Variants in SFMBT1 observed in about 807,000 individuals in gnomAD.
The protein encoded by SFMBT1 is Scm like with four mbt domains 1.
SFMBT1 carries 32 observed loss-of-function variants against 108.7 expected under a neutral mutation model. That is an observed-to-expected ratio of 0.29 (90% CI 0.22 to 0.40). The LOEUF (loss-of-function observed/expected upper bound fraction) is 0.40. Among genes scored for constraint, SFMBT1 ranks in the 10% least tolerant of loss-of-function variants. SFMBT1 has a pLI of 1.00. For synonymous variants in SFMBT1, 348 were observed against 369.5 expected (o/e 0.94, Z 0.67); for missense variants, 816 against 1,059.6 (o/e 0.77, Z 3.19).
At chr3:52,962,808 C>CAAAAAAAAAAAAAAAAAAAA (rs369325114) in intron 2 of SFMBT1, among the ~76,000 whole-genome samples, 1 of 101,460 alleles carries the variant, frequency 9.9e-6, no homozygotes, top group Non-Finnish European at 1.8e-5. Context: ...CTCCCTGTCT[C>CAAAAAAAAAAAAAAAAAAAA]AAAAAAAAAA....
At chr3:52,935,223 C>G (rs1392237153) in intron 4 of SFMBT1, among the ~76,000 whole-genome samples, 1 of 152,142 alleles carries the variant, frequency 6.6e-6, no homozygotes, top group Non-Finnish European at 1.5e-5. Context: ...GAAAAATGAT[C>G]TAATGAATCC....
chr3:52,907,637 C>A lies in SFMBT1; in HGVS notation c.2003G>T (p.Arg668Ile). 6.2e-7 allele frequency: 1 copy of A among 1,614,186 alleles called. No homozygotes were observed. Residue 668 changes from arginine (R) to isoleucine (I), a missense_variant, in exon 18 of 21, where the codon AGA becomes ATA. Physicochemically the swap from Arg to Ile is moderately conservative, Grantham distance 97. Coordinates refer to ENST00000394752, the MANE Select transcript of SFMBT1 (RefSeq NM_016329.4). ...ACALKKASKR[R>I]KRRKNVFVHK... Reference sequence around the variant, plus strand: ...AACAAAAACATTTTTCCGCCTCTTTCTCCTCTTACTGGCTTTTTTCAGGGC... The same window carrying A: ...AACAAAAACATTTTTCCGCCTCTTTATCCTCTTACTGGCTTTTTTCAGGGC...
intron 1 of SFMBT1, among the ~76,000 whole-genome samples, chr3:53,030,226 G>A (rs977956910): frequency 1.3e-5 from 2 of 152,088 alleles, no homozygotes; most frequent in Non-Finnish European, 1.5e-5. Flanking sequence ...TGAAAAGAGC[G>A]AAGTGCAAAA....
At chr3:53,036,533 A>G (rs999279553) in intron 1 of SFMBT1, among the ~76,000 whole-genome samples, 2 of 152,246 alleles carry the variant, frequency 1.3e-5, no homozygotes, top group African/African-American at 4.8e-5. Context: ...GGCCCACTAG[A>G]GGACTGGCGT....
intron 1 of SFMBT1, among the ~76,000 whole-genome samples, chr3:53,013,651 T>A (rs1234132769): frequency 9.3e-6 from 1 of 107,512 alleles, no homozygotes; most frequent in Non-Finnish European, 1.7e-5. Context: ...TTTTTTGAGA[T>A]GGAGTCTTGC....
At chr3:53,030,596 A>C (rs1023524610) in intron 1 of SFMBT1, among the ~76,000 whole-genome samples, 1 of 147,656 alleles carries the variant, frequency 6.8e-6, no homozygotes, top group Non-Finnish European at 1.5e-5. Context: ...TCAGTAAAAC[A>C]GGGGAGACTG....
intron 20 of SFMBT1, 25 bp downstream of exon 20, chr3:52,906,088 A>G: frequency 1.2e-6 from 2 of 1,612,248 alleles, no homozygotes; most frequent in Non-Finnish European, 1.7e-6. Flanking sequence ...AGACATTACT[A>G]AAAATTATAG....
chr3:52,960,752 A>G (rs1359853246), intron 2 of SFMBT1, among the ~76,000 whole-genome samples: 1 of 152,238 alleles, frequency 6.6e-6, no homozygotes, highest in African/African-American at 2.4e-5. Context: ...ACCAAAAGGC[A>G]GAGGCAACCC....
chr3:52,934,125 G>A (rs999718055), intron 5 of SFMBT1, among the ~76,000 whole-genome samples: 1 of 152,068 alleles, frequency 6.6e-6, no homozygotes, highest in Non-Finnish European at 1.5e-5. Flanking sequence ...TTACAGAAAT[G>A]TAAATCAAAA....
intron 1 of SFMBT1, among the ~76,000 whole-genome samples, chr3:53,022,118 T>C (rs1384155500): frequency 6.6e-6 from 1 of 152,188 alleles, no homozygotes; most frequent in East Asian, 1.9e-4. Context: ...CAGAAGAATC[T>C]AAGCTACTCT....
intron 1 of SFMBT1, among the ~76,000 whole-genome samples, chr3:53,029,624 C>G (rs943924725): frequency 6.6e-6 from 1 of 152,172 alleles, no homozygotes; most frequent in Admixed American, 6.5e-5. Context: ...TTTCTCAAAA[C>G]GAAAATACAA....
chr3:53,007,196 G>C (rs989395852), intron 1 of SFMBT1, among the ~76,000 whole-genome samples: 1 of 152,096 alleles, frequency 6.6e-6, no homozygotes, highest in Non-Finnish European at 1.5e-5. Context: ...TTATTGTTCT[G>C]ACAATTAAAA....
intron 12 of SFMBT1, 114 bp from the exon 13 acceptor site, chr3:52,918,640 T>G (rs1338421493): frequency 5.9e-6 from 3 of 508,166 alleles, no homozygotes; most frequent in Non-Finnish European, 1.0e-5. Flanking sequence ...TGTGAGTGTG[T>G]GTGTATATAT....
rs760128413 is a variant in SFMBT1, at chr3:52,920,640, C to G, written c.1269G>C (p.Lys423Asn). The change falls in exon 12 of 21, where the codon AAG (lysine) becomes AAC (asparagine). Residue 423 changes from lysine to asparagine, a missense_variant. Lys to Asn is a moderately conservative substitution (Grantham distance 94). This residue lies in a region of SFMBT1 where 495 missense variants were observed against 607.4 expected (regional missense o/e 0.81). Coordinates refer to ENST00000394752, the MANE Select transcript of SFMBT1 (RefSeq NM_016329.4). ...YLWLQLEGSK[K>N]PIPECIVSVE... The stretch of plus-strand genomic sequence containing the variant: ...CACTCACAATACATTCAGGTATAGG[C>G]TTCTTAGAACCTGTTTAGATTTAAA... 3.7e-6 allele frequency: 6 copies of G among 1,601,394 alleles called. No homozygotes were observed. The African/African-American group carries it at 8.1e-5, about 22-fold the overall frequency.
chr3:52,968,416 T>A (rs562830256), intron 2 of SFMBT1, among the ~76,000 whole-genome samples: 70 of 152,136 alleles, frequency 4.6e-4, no homozygotes, highest in Non-Finnish European at 9.1e-4. Flanking sequence ...CTAACATCAA[T>A]TTCCTCAGTT....
chr3:53,042,769 TTTAAA>T (rs1312969059), intron 1 of SFMBT1, among the ~76,000 whole-genome samples: 2 of 143,542 alleles, frequency 1.4e-5, no homozygotes, highest in East Asian at 1.9e-4. Flanking sequence ...TGTAATAGAT[TTTAAA>T]TTAAACAATC....
intron 1 of SFMBT1, among the ~76,000 whole-genome samples, chr3:53,027,351 A>G (rs1193196663): frequency 6.6e-6 from 1 of 152,056 alleles, no homozygotes; most frequent in Admixed American, 6.6e-5. Flanking sequence ...CAACACTTAA[A>G]CACAAGTTCT....
intron 1 of SFMBT1, among the ~76,000 whole-genome samples, chr3:52,988,137 T>C (rs1315631066): frequency 6.6e-6 from 1 of 152,228 alleles, no homozygotes; most frequent in East Asian, 1.9e-4. Context: ...GGAGGTCCAA[T>C]CACTCACCAA....
intron 1 of SFMBT1, among the ~76,000 whole-genome samples, chr3:53,041,698 CAAAAAAAAAAAAAAAAAA>C (rs59502728): frequency 6.8e-5 from 3 of 44,114 alleles, no homozygotes; most frequent in African/African-American, 1.8e-4. Flanking sequence ...AAGTCTGTCT[CAAAAAAAAAAAAAAAAAA>C]AAAAAAAAAA....
Sources: allele counts gnomAD v4.1 joint callset (sites outside exome capture counted in the v4.1 genomes callset), GRCh38; gene constraint gnomAD v4.1.1; regional missense constraint gnomAD v4.1.1; transcripts MANE v1.5; gene names NCBI Gene and HGNC (gene_info 2026-07-23, HGNC 2026-07-21).